GARNL3: variants seen among roughly 807,000 people sequenced by gnomAD.
GARNL3 encodes GTPase activating Rap/RanGAP domain like 3.
GARNL3 carries 63 observed loss-of-function variants against 125.0 expected under a neutral mutation model. The ratio of observed to expected loss-of-function variants is 0.50; its 90% confidence interval spans 0.41 to 0.62. GARNL3 has a LOEUF of 0.62. GARNL3 is among the 20% of genes least tolerant of loss of function. The pLI, the probability that GARNL3 is intolerant of heterozygous loss-of-function variation, is 0.00. For synonymous variants in GARNL3, 439 were observed against 457.5 expected, an observed-to-expected ratio of 0.96 and a Z score of 0.52; for missense variants, 994 against 1,244.0, an observed-to-expected ratio of 0.80 and a Z score of 3.02.
intron 2 of GARNL3, among the ~76,000 whole-genome samples, chr9:127,250,563 A>G (rs775867079): frequency 1.3e-5 from 2 of 152,228 alleles, no homozygotes; most frequent in Non-Finnish European, 2.9e-5. Flanking sequence ...TGGGGTATCC[A>G]TGGAACCATG....
rs748060861 is a variant in GARNL3 at position 127,320,739 on chromosome 9, G to A, written c.528G>A (p.Glu176=). The change falls in exon 6 of 28, where the codon GAG becomes GAA. Residue 176 remains glutamate (E), a synonymous_variant. Transcript: ENST00000373387. ...ILSAMNLDKF[E]KGPREIFHPE... Reference sequence around the variant, plus strand: ...GTGCCATGAATCTGGACAAATTTGAGAAAGGCCCCAGGGAAATTTTTCATC... The same window carrying A: ...GTGCCATGAATCTGGACAAATTTGAAAAAGGCCCCAGGGAAATTTTTCATC... 3.1e-6 allele frequency: 5 copies of A among 1,612,458 alleles called. No homozygotes were observed. Among genetic ancestry groups the A allele is most frequent in the Middle Eastern group, 1.6e-4 (1 of 6,080 alleles).
At chr9:127,344,907 G>T (rs1224350922) in intron 15 of GARNL3, among the ~76,000 whole-genome samples, 1 of 152,178 alleles carries the variant, frequency 6.6e-6, no homozygotes, top group Non-Finnish European at 1.5e-5. Context: ...TGTCTGCCTT[G>T]ATCACACATC....
At chr9:127,312,164 C>T (rs143785609) in intron 3 of GARNL3, among the ~76,000 whole-genome samples, 128 of 152,310 alleles carry the variant, frequency 8.4e-4, no homozygotes, top group African/African-American at 2.8e-3. Context: ...AGACATTAGA[C>T]TGTAGACTCT....
intron 1 of GARNL3, among the ~76,000 whole-genome samples, chr9:127,274,482 C>A (rs554428533): frequency 6.6e-6 from 1 of 152,304 alleles, no homozygotes; most frequent in Admixed American, 6.5e-5. Context: ...CCCACTCCCT[C>A]CTTTCTGAGT....
intron 7 of GARNL3, among the ~76,000 whole-genome samples, chr9:127,326,385 G>GTGAT (rs945086892): frequency 6.6e-6 from 1 of 152,170 alleles, no homozygotes; most frequent in East Asian, 1.9e-4. Context: ...GGTTGAACAA[G>GTGAT]TGATTGATTG....
chr9:127,341,943 TAG>T (rs892692347), intron 13 of GARNL3, among the ~76,000 whole-genome samples: 2 of 152,060 alleles, frequency 1.3e-5, no homozygotes, highest in Non-Finnish European at 2.9e-5. Flanking sequence ...CGGCGGATCA[TAG>T]AGTCTCGGAA....
intron 1 of GARNL3, among the ~76,000 whole-genome samples, chr9:127,268,597 T>C (rs1173504526): frequency 6.6e-6 from 1 of 152,246 alleles, no homozygotes; most frequent in Non-Finnish European, 1.5e-5. Flanking sequence ...TTTTAACTAT[T>C]TTTAAGTGTA....
Position 127,342,254 on chromosome 9 carries a change from A to G in GARNL3, c.1171A>G (p.Thr391Ala), listed in dbSNP as rs751587688. The change falls in exon 14 of 28, where the codon ACA becomes GCA. Residue 391 changes from threonine to alanine, a missense_variant. Thr to Ala is a moderately conservative substitution (Grantham distance 58, BLOSUM62 0). This residue lies in a region of GARNL3 where 728 missense variants were observed against 865.7 expected (regional missense o/e 0.84). Transcript: ENST00000373387. The stretch of plus-strand genomic sequence containing the variant: ...TGAAAAAGCCACTTTGGAAACCCCA[A>G]CATTTGCCCAGAAACGTCGGCGTAC... ...NGEKATLETP[T>A]FAQKRRRTLD... 2.5e-6 allele frequency: 4 copies of G among 1,614,040 alleles called. No individual in the cohort carries two copies. In the East Asian group the frequency reaches 6.7e-5, roughly 27 times the overall value.
chr9:127,229,945 G>T (rs904110980), intron 1 of GARNL3, among the ~76,000 whole-genome samples: 6 of 152,196 alleles, frequency 3.9e-5, no homozygotes, highest in Non-Finnish European at 8.8e-5. Flanking sequence ...TAACTAACTA[G>T]CCTGCAGACA....
intron 7 of GARNL3, 50 bp from the exon 8 acceptor site, chr9:127,332,224 T>C (rs1365301504): frequency 1.4e-6 from 2 of 1,380,794 alleles, no homozygotes. Context: ...CAAAACTATA[T>C]ACGCTGTGAT....
chr9:127,282,312 A>G (rs1787158611), intron 1 of GARNL3, among the ~76,000 whole-genome samples: 1 of 152,212 alleles, frequency 6.6e-6, no homozygotes. Context: ...AGCATTTTAT[A>G]TTAATCACTA....
chr9:127,275,062 G>A (rs1195098880), intron 1 of GARNL3, among the ~76,000 whole-genome samples: 1 of 152,062 alleles, frequency 6.6e-6, no homozygotes, highest in East Asian at 1.9e-4. Context: ...TGTTGTAGCA[G>A]GAATAAATTT....
chr9:127,349,720 T>A (rs1322018654), intron 17 of GARNL3, among the ~76,000 whole-genome samples: 1 of 152,148 alleles, frequency 6.6e-6, no homozygotes, highest in Non-Finnish European at 1.5e-5. Flanking sequence ...TTCCAGACCC[T>A]GAATGAATGA....
chr9:127,358,215 T>C (rs995825225), intron 21 of GARNL3, among the ~76,000 whole-genome samples: 1 of 152,226 alleles, frequency 6.6e-6, no homozygotes, highest in Admixed American at 6.5e-5. Flanking sequence ...TGTCTGTCAC[T>C]GGAGAGCGTT....
chr9:127,300,842 C>A, intron 2 of GARNL3: 1 of 351,750 alleles, frequency 2.8e-6, no homozygotes. Context: ...CAACATTAGG[C>A]ATGTATTTAC....
At chr9:127,285,108 G>C (rs2064210281) in intron 1 of GARNL3, among the ~76,000 whole-genome samples, 1 of 152,134 alleles carries the variant, frequency 6.6e-6, no homozygotes, top group African/African-American at 2.4e-5. Flanking sequence ...GAATATTTTA[G>C]AAGTTTTTTA....
At position 127,353,907 on chromosome 9, in the gene GARNL3, T is replaced by G. The variant is rs1830541189; in HGVS notation, c.1605T>G (p.Leu535=). 12 of 1,613,500 alleles carry G rather than the reference T, an allele frequency of 7.4e-6. No individual in the cohort carries two copies. In the South Asian group the frequency reaches 9.9e-5, roughly 13 times the overall value. ...RTLPVKQMHV[L]ETLDLLVLRA... ...TGCCAGTGAAGCAAATGCATGTGCT[T>G]GAGACCCTGGACCTTCTGGTTCTCA... The change falls in exon 18 of 28, where the codon CTT becomes CTG. Residue 535 remains leucine (L), a synonymous_variant. Coordinates refer to ENST00000373387, the MANE Select transcript of GARNL3 (RefSeq NM_032293.5).
intron 7 of GARNL3, among the ~76,000 whole-genome samples, chr9:127,327,621 A>C (rs367544160): frequency 6.6e-6 from 1 of 151,872 alleles, no homozygotes; most frequent in Admixed American, 6.6e-5. Context: ...CTGACTTCCA[A>C]CTCCTGGGTT....
chr9:127,329,407 C>G (rs1291266097), intron 7 of GARNL3, among the ~76,000 whole-genome samples: 1 of 152,184 alleles, frequency 6.6e-6, no homozygotes, highest in African/African-American at 2.4e-5. Context: ...ATCCTACACC[C>G]TTGGGTGCAC....
Sources: allele counts gnomAD v4.1 joint callset (sites outside exome capture counted in the v4.1 genomes callset), GRCh38; gene constraint gnomAD v4.1.1; regional missense constraint gnomAD v4.1.1; transcripts MANE v1.5; gene names NCBI Gene and HGNC (gene_info 2026-07-23, HGNC 2026-07-21).